The following SLC49A3 variants were observed in gnomAD, a reference collection of about 807,000 sequenced individuals.
SLC49A3 encodes solute carrier family 49 member A3.
Under a neutral mutation model 43.8 loss-of-function variants are expected in SLC49A3, and 50 were observed. The observed-to-expected ratio is 1.14, with a 90% CI of 0.91 to 1.45. SLC49A3 has a LOEUF of 1.45. Among genes scored for constraint, SLC49A3 ranks in the 40% most tolerant of loss-of-function variants. The probability of loss-of-function intolerance (pLI) is 0.00; values close to 1 mark genes in which losing one functional copy is unlikely to be tolerated. For missense variants in SLC49A3, 906 were observed against 774.1 expected (o/e 1.17, Z -2.02); for synonymous variants, 413 against 352.0 (o/e 1.17, Z -1.94).
chr4:681,131 G>C (rs1216191645), downstream of SLC49A3: 2 of 1,606,518 alleles, frequency 1.2e-6, no homozygotes, highest in East Asian at 2.2e-5. Context: ...ACAAGATGAC[G>C]GCGGAAGAGG....
intron 6 of SLC49A3, 69 bp from the exon 7 acceptor site, chr4:683,830 AG>A: frequency 6.6e-7 from 1 of 1,506,044 alleles, no homozygotes; most frequent in Non-Finnish European, 8.9e-7. Flanking sequence ...CCGTCAGGGC[AG>A]GGGGCTCAGT....
rs769708720 is a variant in SLC49A3 at position 684,519 on chromosome 4, G to T, written c.804C>A (p.Leu268=). Residue 268 remains leucine, a synonymous_variant, in exon 6 of 10, where the codon CTC becomes CTA. Coordinates refer to ENST00000322224, the MANE Select transcript of SLC49A3 (RefSeq NM_032219.4). ...CGCTTGCACAGAGGATCTGCTCCAG[G>T]AGGGCTGAGAAGCTGGCAGAGATCC... is the stretch of plus-strand genomic sequence containing the variant. ...MIGISASFSA[L]LEQILCASGH... 6.2e-7 allele frequency: 1 copy of T among 1,613,224 alleles called. No homozygotes were observed. Among genetic ancestry groups the T allele is most frequent in the South Asian group, 1.1e-5 (1 of 91,078 alleles).
Position 686,645 on chromosome 4 carries a change from A to G in SLC49A3, c.181T>C (p.Leu61=), listed in dbSNP as rs1238319055. The change falls in exon 2 of 10, where the codon TTG becomes CTG. Residue 61 remains leucine (L), a synonymous_variant. Transcript: ENST00000322224. ...TTGATCTGCTCCATGGACAGGACCAAGTCCTCAGCAATGACGTCAGCCACA... is the reference window on the plus strand; with the variant it reads ...TTGATCTGCTCCATGGACAGGACCAGGTCCTCAGCAATGACGTCAGCCACA... The part of the protein sequence containing the change: ...APVADVIAED[L]VLSMEQINWL... 5.6e-6 allele frequency: 9 copies of G among 1,613,282 alleles called. No homozygotes were observed. The highest frequency in any genetic ancestry group is 7.6e-6 in the Non-Finnish European group (9 of 1,179,946).
chr4:683,999 C>G (rs1026103060), intron 6 of SLC49A3, among the ~76,000 whole-genome samples: 2 of 152,234 alleles, frequency 1.3e-5, no homozygotes, highest in Non-Finnish European at 2.9e-5. Context: ...ACAGAGGCCC[C>G]ACAGGGCCGT....
chr4:679,311 T>G, downstream of SLC49A3: 1 of 580,978 alleles, frequency 1.7e-6, no homozygotes, highest in South Asian at 1.7e-5. Flanking sequence ...GGGCTGACTC[T>G]CTGGTAGGAC....
chr4:682,080 CT>C lies in SLC49A3; in HGVS notation c.1557del (p.Gly520AlafsTer38). On this transcript the variant is annotated frameshift_variant, in exon 10 of 10. Coordinates refer to ENST00000322224, the MANE Select transcript of SLC49A3 (RefSeq NM_032219.4). LOFTEE classifies it low-confidence loss of function (END_TRUNC). ...PACHRATPRA[Q>X]GPAATDAPSR... ...GAGGGCGCGTCGGTGGCTGCTGGGC[CT>C]TGCGCACGGGGAGTCGCTCGGTGGC... The C allele has an allele frequency of 7.1e-7, 1 of 1,405,250 alleles. No individual in the cohort carries two copies. The highest frequency in any genetic ancestry group is 9.4e-7 in the Non-Finnish European group (1 of 1,068,524). The allele number at this position is 1,405,250 out of a possible 1,614,324, so 87.0% of individuals were successfully genotyped here. A position where few individuals can be genotyped will look rare whatever the true frequency, so the allele number is the denominator to read the frequency against.
intron 1 of SLC49A3, among the ~76,000 whole-genome samples, chr4:686,960 G>A (rs565163860): frequency 6.6e-5 from 10 of 152,344 alleles, no homozygotes; most frequent in Admixed American, 1.3e-4. Context: ...GAGCCCACAG[G>A]ACCACGAGCC....
intron 9 of SLC49A3, 130 bp from the exon 10 acceptor site, chr4:682,506 C>A: frequency 1.0e-6 from 1 of 983,844 alleles, no homozygotes; most frequent in Non-Finnish European, 1.3e-6. Flanking sequence ...AGCCCACTCG[C>A]AGCTCTTGAC....
At chr4:677,111 G>A (rs1560151619), downstream of SLC49A3, among the ~76,000 whole-genome samples, 1 of 152,182 alleles carries the variant, frequency 6.6e-6, no homozygotes, top group Non-Finnish European at 1.5e-5. Flanking sequence ...AGCACCGAGG[G>A]GCAGGTGCCC....
At chr4:691,596 A>C (rs1741893910), upstream of SLC49A3, among the ~76,000 whole-genome samples, 1 of 151,564 alleles carries the variant, frequency 6.6e-6, no homozygotes, top group Non-Finnish European at 1.5e-5. Context: ...CTCTGTCACA[A>C]AAAAAAAACA....
At chr4:690,066 T>C (rs1308435891), upstream of SLC49A3, among the ~76,000 whole-genome samples, 1 of 152,204 alleles carries the variant, frequency 6.6e-6, no homozygotes, top group Non-Finnish European at 1.5e-5. Context: ...TTATTCGTGG[T>C]TTTTGTCTTA....
In SLC49A3 at chr4:681,901, G is replaced by C. The variant is rs555192485; in HGVS notation, c.*57C>G. 1 of 1,316,930 alleles carries C rather than the reference G, an allele frequency of 7.6e-7. No homozygotes were observed. Among genetic ancestry groups the C allele is most frequent in the Non-Finnish European group, 9.8e-7 (1 of 1,023,328 alleles). The allele number at this position is 1,316,930 out of a possible 1,614,324, so 81.6% of individuals were successfully genotyped here. Reference sequence around the variant, plus strand: ...TTCGCCCCCGCCCGCAGGTGGACCAGATGTTCCAGTTCGCCTCCATCGATG... The same window carrying C: ...TTCGCCCCCGCCCGCAGGTGGACCACATGTTCCAGTTCGCCTCCATCGATG... On this transcript the variant is annotated 3_prime_UTR_variant, in exon 10 of 10. Coordinates refer to ENST00000322224, the MANE Select transcript of SLC49A3 (RefSeq NM_032219.4).
chr4:683,698 C>T lies in SLC49A3; in HGVS notation c.904G>A (p.Gly302Ser), dbSNP rs747766916. Residue 302 changes from glycine to serine, a missense_variant, in exon 7 of 10, where the codon GGC becomes AGC. Gly to Ser is a moderately conservative substitution (Grantham distance 56). Coordinates refer to ENST00000322224, the MANE Select transcript of SLC49A3 (RefSeq NM_032219.4). ...TFGILGALAL[G>S]PYVDRTKHFT... ...TGCTTGGTCCGGTCCACATAGGGGC[C>T]GAGAGCCAGTGCCCCCAGGATCCCA... is the stretch of plus-strand genomic sequence containing the variant. 1.1e-5 allele frequency: 17 copies of T among 1,602,316 alleles called. 1 individual carries two copies. The highest frequency in any genetic ancestry group is 3.4e-5 in the South Asian group (3 of 89,408).
chr4:681,975 GGGA>G lies in SLC49A3; in HGVS notation c.1660_1662del (p.Ser554del), dbSNP rs758375569. 2.1e-6 allele frequency: 3 copies of G among 1,397,708 alleles called. No individual in the cohort carries two copies. The highest frequency in any genetic ancestry group is 5.5e-5 in the East Asian group (2 of 36,246). The allele number at this position is 1,397,708 out of a possible 1,614,324, so 86.6% of individuals were successfully genotyped here. On this transcript the variant is annotated inframe_deletion, in exon 10 of 10. Transcript: ENST00000322224. ...GCGCTCAGCTACGTGATCACCCACGGGGAGGAGAAGGAGGAGTGAGACCCAGCC... is the reference window on the plus strand; with the variant it reads ...GCGCTCAGCTACGTGATCACCCACGGGGAGAAGGAGGAGTGAGACCCAGCC...
intron 9 of SLC49A3, 111 bp downstream of exon 9, chr4:682,670 T>C: frequency 1.2e-6 from 1 of 848,978 alleles, no homozygotes. Flanking sequence ...GGTGCTCACC[T>C]GTCCTGCTGT....
downstream of SLC49A3, chr4:681,827 G>A (rs377467494): frequency 7.1e-6 from 9 of 1,273,920 alleles, no homozygotes; most frequent in South Asian, 3.2e-4. Flanking sequence ...ACCCGGGGCC[G>A]CTGCAGGTGC....
chr4:682,575 G>A (rs977829542), intron 9 of SLC49A3, among the ~76,000 whole-genome samples, 199 bp from the exon 10 acceptor site: 3 of 152,174 alleles, frequency 2.0e-5, no homozygotes, highest in African/African-American at 4.8e-5. Flanking sequence ...CATGGGGTCT[G>A]GGATATGGGT....
downstream of SLC49A3, chr4:681,745 G>A: frequency 1.3e-6 from 1 of 765,658 alleles, no homozygotes; most frequent in East Asian, 5.8e-5. Flanking sequence ...GCGCCGCCCC[G>A]CCCCCTCCAG....
At chr4:680,691 C>A, downstream of SLC49A3, 1 of 1,159,738 alleles carries the variant, frequency 8.6e-7, no homozygotes, top group Non-Finnish European at 1.3e-6. Flanking sequence ...GCCCACCTCC[C>A]CACCTCTGAC....
Sources: gnomAD v4.1 joint callset for allele counts (sites outside exome capture counted in the v4.1 genomes callset) on GRCh38, gnomAD v4.1.1 for gene constraint, MANE v1.5 for transcripts, NCBI Gene and HGNC (gene_info 2026-07-23, HGNC 2026-07-21) for gene names.